Variants in WDR44 observed in about 807,000 individuals in gnomAD.
The protein encoded by WDR44 is WD repeat domain 44, also known as WD repeat-containing protein 44.
A neutral mutation model predicts 65.7 loss-of-function variants in WDR44; 9 were observed. The observed-to-expected ratio is 0.14, with a 90% CI of 0.08 to 0.24. WDR44 has a LOEUF of 0.24. Among genes scored for constraint, WDR44 ranks in the 10% least tolerant of loss-of-function variants. WDR44 has a pLI of 1.00. For synonymous variants in WDR44, 220 were observed against 235.2 expected (o/e 0.94, Z 0.59); for missense variants, 425 against 670.9 (o/e 0.63, Z 4.05).
chrX:118,376,350 C>G (rs1426533617), intron 1 of WDR44, among the ~76,000 whole-genome samples: 1 of 111,018 alleles, frequency 9.0e-6, no homozygotes, highest in East Asian at 2.8e-4. Flanking sequence ...GAATCATTAC[C>G]CAGTTTGGCA....
At chrX:118,360,235 GCTTATATACATTTCAA>G (rs1164902378) in intron 1 of WDR44, among the ~76,000 whole-genome samples, 1 of 111,807 alleles carries the variant, frequency 8.9e-6, no homozygotes, top group Non-Finnish European at 1.9e-5. Flanking sequence ...GGTTGAAGGT[GCTTATATACATTTCAA>G]CTCCAGTGTA....
intron 12 of WDR44, among the ~76,000 whole-genome samples, chrX:118,431,570 TG>T (rs2057211614): frequency 8.9e-6 from 1 of 112,086 alleles, no homozygotes; most frequent in South Asian, 3.7e-4. Context: ...CCCAAAATGC[TG>T]GGATTACAGG....
chrX:118,410,850 G>A, intron 11 of WDR44, 45 bp from the exon 12 acceptor site: 1 of 1,079,661 alleles, frequency 9.3e-7, no homozygotes, highest in South Asian at 2.0e-5. Flanking sequence ...GTGGGTCTGT[G>A]TGTGTACATA....
At chrX:118,408,034 G>T (rs2056982410) in intron 10 of WDR44, among the ~76,000 whole-genome samples, 1 of 111,887 alleles carries the variant, frequency 8.9e-6, no homozygotes. Flanking sequence ...GGAAATTGAT[G>T]AATTTCCTAG....
chrX:118,351,723 G>A (rs2056404644), intron 1 of WDR44, among the ~76,000 whole-genome samples: 2 of 111,332 alleles, frequency 1.8e-5, no homozygotes, highest in African/African-American at 3.3e-5. Context: ...GCTGAGGCGG[G>A]TGGATCACCT....
intron 11 of WDR44, 150 bp from the exon 12 acceptor site, chrX:118,410,745 T>C (rs2057006065): frequency 4.3e-6 from 2 of 467,153 alleles, no homozygotes; most frequent in Non-Finnish European, 7.0e-6. Flanking sequence ...TTGGCTCCTA[T>C]AGGGTTATGC....
At chrX:118,445,889 G>A (rs997436674) in intron 19 of WDR44, among the ~76,000 whole-genome samples, 1 of 108,811 alleles carries the variant, frequency 9.2e-6, no homozygotes, top group African/African-American at 3.3e-5. Context: ...AATTAGCTGG[G>A]CGTGGTAGTG....
At chrX:118,429,744 C>T (rs1284982450) in intron 12 of WDR44, among the ~76,000 whole-genome samples, 2 of 111,183 alleles carry the variant, frequency 1.8e-5, no homozygotes, top group Non-Finnish European at 3.8e-5. Flanking sequence ...CGCTCAGGTT[C>T]TAGTGATTCT....
chrX:118,406,829 A>C, intron 9 of WDR44, 46 bp from the exon 10 acceptor site: 2 of 1,091,134 alleles, frequency 1.8e-6, no homozygotes, highest in South Asian at 5.1e-5. Flanking sequence ...TGATAATAGC[A>C]ATATCTACAT....
At chrX:118,370,807 C>G (rs952179334) in intron 1 of WDR44, among the ~76,000 whole-genome samples, 5 of 109,990 alleles carry the variant, frequency 4.5e-5, no homozygotes, top group African/African-American at 1.7e-4. Context: ...TGGTCTTGAT[C>G]TCCTGACCTC....
intron 1 of WDR44, 68 bp from the exon 2 acceptor site, chrX:118,378,351 A>G (rs1395435158): frequency 1.1e-5 from 9 of 856,445 alleles, no homozygotes; most frequent in Non-Finnish European, 1.5e-5. Context: ...TGTCTGTAGT[A>G]AGTGTATAGA....
chrX:118,410,172 G>A (rs1339499767), intron 11 of WDR44, among the ~76,000 whole-genome samples: 2 of 111,595 alleles, frequency 1.8e-5, no homozygotes, highest in African/African-American at 6.5e-5. Flanking sequence ...TAAGTTCATG[G>A]GATTCTTTTC....
chrX:118,368,099 C>G (rs1379217936), intron 1 of WDR44, among the ~76,000 whole-genome samples: 1 of 111,509 alleles, frequency 9.0e-6, no homozygotes, highest in African/African-American at 3.3e-5. Context: ...TTAGCAAGTT[C>G]CAAAGTGTAG....
intron 1 of WDR44, among the ~76,000 whole-genome samples, chrX:118,368,883 AT>A (rs1183535766): frequency 1.4e-3 from 143 of 102,238 alleles, no homozygotes; most frequent in African/African-American, 4.7e-3. Flanking sequence ...CACCTGGCTA[AT>A]TTTTTTTTTC....
intron 19 of WDR44, chrX:118,447,072 G>A (rs1042951578): frequency 9.1e-5 from 28 of 307,354 alleles, no homozygotes; most frequent in Admixed American, 1.7e-4. Context: ...ATGAGTTCTC[G>A]TTATGTTGCC....
At chrX:118,406,100 A>G (rs572335306) in intron 9 of WDR44, among the ~76,000 whole-genome samples, 2 of 112,091 alleles carry the variant, frequency 1.8e-5, no homozygotes, top group South Asian at 3.7e-4. Flanking sequence ...TGATTGCACC[A>G]TTGCACTCCA....
rs201223451 is a variant in WDR44, at chrX:118,369,417, C to T, written c.78-9002C>T. Among the ~76,000 whole-genome samples the T allele has an allele frequency of 7.3e-4, 78 of 106,756 alleles. No homozygotes were observed. The East Asian group carries it at 8.0e-3, about 11-fold the overall frequency. The allele number at this position is 106,756 out of a possible 115,157, so 92.7% of individuals were successfully genotyped here. ...CGATCTCCTGACCTCGTGATCCGCC[C>T]GCCTCGGCCTCCCAAAGTGCTGGGA... On this transcript the variant is annotated intron_variant, in intron 1 of 19. Coordinates refer to ENST00000254029, the MANE Select transcript of WDR44 (RefSeq NM_019045.5).
At chrX:118,436,022 A>G (rs183221036) in intron 13 of WDR44, among the ~76,000 whole-genome samples, 2 of 112,115 alleles carry the variant, frequency 1.8e-5, no homozygotes, top group African/African-American at 3.2e-5. Flanking sequence ...TAAATAGATT[A>G]TGTTGAGGAA....
intron 1 of WDR44, among the ~76,000 whole-genome samples, chrX:118,373,882 A>C (rs1006243231): frequency 8.9e-6 from 1 of 112,340 alleles, no homozygotes; most frequent in Admixed American, 9.5e-5. Context: ...GTCAAGTGTT[A>C]TAGTTTTTGG....
Sources: gnomAD v4.1 joint callset for allele counts (sites outside exome capture counted in the v4.1 genomes callset) on GRCh38, gnomAD v4.1.1 for gene constraint, MANE v1.5 for transcripts, NCBI Gene and HGNC (gene_info 2026-07-23, HGNC 2026-07-21) for gene names.